The following TNRC18 variants were observed in gnomAD, a reference collection of about 807,000 sequenced individuals.
TNRC18 encodes trinucleotide repeat-containing gene 18 protein.
TNRC18 carries 69 observed loss-of-function variants against 226.7 expected under a neutral mutation model. The observed-to-expected ratio is 0.30, with a 90% CI of 0.25 to 0.37. The LOEUF (loss-of-function observed/expected upper bound fraction) is 0.37, where lower values mean the gene tolerates loss of function less well. TNRC18 is among the 10% of genes least tolerant of loss of function. The pLI is 1.00. For synonymous variants in TNRC18, 2,449 were observed against 1,927.6 expected (o/e 1.27, Z -7.09); for missense variants, 4,754 against 4,256.6 (o/e 1.12, Z -3.25).
intron 16 of TNRC18, among the ~76,000 whole-genome samples, chr7:5,354,808 G>C (rs180707858): frequency 4.8e-4 from 73 of 152,270 alleles, no homozygotes; most frequent in African/African-American, 1.4e-3. Context: ...CTCTGCCCAC[G>C]TAAGCTCACT....
In TNRC18 at chr7:5,324,949, G is replaced by A. The variant is rs1194071801; in HGVS notation, c.6300+147C>T. On this transcript the variant is annotated intron_variant, in intron 20 of 29. Transcript: ENST00000430969. The surrounding 1 kb of genome is among the most constrained non-coding windows in gnomAD (Gnocchi z 4.8). The stretch of plus-strand genomic sequence containing the variant: ...CTCCTTATCCCTGGAGTGTGGGGAC[G>A]GCCACATCACCCTCGTCACCCGCAA... The A allele has an allele frequency of 2.3e-5, 20 of 884,834 alleles. No homozygotes were observed. Among genetic ancestry groups the A allele is most frequent in the African/African-American group, 6.9e-5 (4 of 58,080 alleles). The allele number at this position is 884,834 out of a possible 1,614,324, so 54.8% of individuals were successfully genotyped here.
intron 2 of TNRC18, among the ~76,000 whole-genome samples, chr7:5,400,752 G>C (rs891091082): frequency 2.0e-5 from 3 of 152,076 alleles, no homozygotes; most frequent in Non-Finnish European, 4.4e-5. Context: ...AAAAATGCAA[G>C]CTGTAGCCTG....
chr7:5,353,551 CA>C (rs1792051687), intron 16 of TNRC18, among the ~76,000 whole-genome samples: 1 of 109,798 alleles, frequency 9.1e-6, no homozygotes, highest in African/African-American at 3.7e-5. Context: ...CAGAGCAAGA[CA>C]TCATCTAAAG....
intron 18 of TNRC18, 67 bp downstream of exon 18, chr7:5,345,495 G>A (rs1583850961): frequency 1.5e-6 from 2 of 1,376,538 alleles, no homozygotes; most frequent in South Asian, 1.4e-5. Context: ...TTCCTCACCT[G>A]TGGGATGGGG....
rs764362400 is a variant in TNRC18 at position 5,388,161 on chromosome 7, C to G, written c.1663G>C (p.Gly555Arg). The change falls in exon 5 of 30, where the codon GGG becomes CGG. Residue 555 changes from glycine to arginine, a missense_variant. Physicochemically the swap from Gly to Arg is moderately radical, Grantham distance 125. Coordinates refer to ENST00000430969, the MANE Select transcript of TNRC18 (RefSeq NM_001080495.3). ...GCCGCCGAGCGGGGCAGCACAGCCCCAGGGTCCAGGTAGGCCTTCTTGGAG... is the reference window on the plus strand; with the variant it reads ...GCCGCCGAGCGGGGCAGCACAGCCCGAGGGTCCAGGTAGGCCTTCTTGGAG... ...SSSKKAYLDP[G>R]AVLPRSAATC... is the part of the protein sequence containing the mutation. 1.9e-6 allele frequency: 3 copies of G among 1,573,544 alleles called. No individual in the cohort carries two copies. Among genetic ancestry groups the G allele is most frequent in the Non-Finnish European group, 2.6e-6 (3 of 1,161,502 alleles).
intron 19 of TNRC18, among the ~76,000 whole-genome samples, chr7:5,330,377 T>C (rs1789390037): frequency 6.6e-6 from 1 of 151,668 alleles, no homozygotes; most frequent in Admixed American, 6.6e-5. Flanking sequence ...CTATAGGCAC[T>C]GATCACCACC....
chr7:5,351,212 G>A (rs1037093156), intron 17 of TNRC18, among the ~76,000 whole-genome samples: 1 of 150,924 alleles, frequency 6.6e-6, no homozygotes, highest in Non-Finnish European at 1.5e-5. Context: ...GGAGGAGGTG[G>A]GGGAGAAACA....
intron 18 of TNRC18, among the ~76,000 whole-genome samples, chr7:5,342,488 G>C (rs1243887168): frequency 6.6e-6 from 1 of 152,044 alleles, no homozygotes; most frequent in South Asian, 2.1e-4. Context: ...ACTATGAAAG[G>C]CTCAAGACTT....
At position 5,307,155 on chromosome 7, in the gene TNRC18, T is replaced by TAGAC. The variant is rs1246084674; in HGVS notation, c.*947_*950dup. On this transcript the variant is annotated 3_prime_UTR_variant, in exon 30 of 30. Transcript: ENST00000430969. ...ACTGGGAGGCCGGTGAAGCCGGTGCTAGACACTATAATCTAACAGGAAATA... is the reference window on the plus strand; with the variant it reads ...ACTGGGAGGCCGGTGAAGCCGGTGCTAGACAGACACTATAATCTAACAGGAAATA... 6 of 151,170 alleles carry TAGAC rather than the reference T, an allele frequency of 4.0e-5. No individual in the cohort carries two copies. The highest frequency in any genetic ancestry group is 1.5e-4 in the African/African-American group (6 of 41,204). The allele number at this position is 151,170 out of a possible 1,614,324, so 9.4% of individuals were successfully genotyped here. A position where few individuals can be genotyped will look rare whatever the true frequency, so the allele number is the denominator to read the frequency against.
chr7:5,377,408 C>T lies in TNRC18; in HGVS notation c.2424G>A (p.Ser808=), dbSNP rs748431554. Residue 808 remains serine (S), a synonymous_variant, in exon 7 of 30, where the codon TCG becomes TCA. Coordinates refer to ENST00000430969, the MANE Select transcript of TNRC18 (RefSeq NM_001080495.3). The surrounding 1 kb of genome is among the most constrained non-coding windows in gnomAD (Gnocchi z 5.8). The stretch of plus-strand genomic sequence containing the variant: ...CAGCGAGCCACATGGATGCGTTGCC[C>T]GAGCGGGGCAACCAGGGGTGCGTGG... ...HLATHPWLPR[S]GNASMWLAGH... The T allele has an allele frequency of 1.4e-5, 22 of 1,595,428 alleles. 1 individual carries two copies. The highest frequency in any genetic ancestry group is 1.0e-4 in the South Asian group (9 of 88,230).
At chr7:5,349,544 C>T (rs1339040114) in intron 17 of TNRC18, among the ~76,000 whole-genome samples, 4 of 152,162 alleles carry the variant, frequency 2.6e-5, no homozygotes, top group East Asian at 3.9e-4. Context: ...CCGGTGGGGG[C>T]GAACCCCGAG....
At chr7:5,412,186 G>A (rs4557609) in intron 2 of TNRC18, among the ~76,000 whole-genome samples, 16 of 133,640 alleles carry the variant, frequency 1.2e-4, no homozygotes, top group African/African-American at 3.5e-4. Flanking sequence ...GAGACCCAGC[G>A]TCTTAATAAA....
At position 5,312,709 on chromosome 7, in the gene TNRC18, C is replaced by A; in HGVS notation, c.8182G>T (p.Ala2728Ser). ...GKKTPAPQPQ[A>S]PPPQPTQPLQ... Reference sequence around the variant, plus strand: ...GGCTGTGTGGGCTGCGGAGGAGGCGCCTGGGGCTGGGGCGCGGGCGTCTTC... The same window carrying A: ...GGCTGTGTGGGCTGCGGAGGAGGCGACTGGGGCTGGGGCGCGGGCGTCTTC... Residue 2728 changes from alanine to serine, a missense_variant, in exon 27 of 30, where the codon GCG becomes TCG. Physicochemically the swap from Ala to Ser is moderately conservative, Grantham distance 99. Coordinates refer to ENST00000430969, the MANE Select transcript of TNRC18 (RefSeq NM_001080495.3). The surrounding 1 kb of genome is among the most constrained non-coding windows in gnomAD (Gnocchi z 6.3). 6.3e-7 allele frequency: 1 copy of A among 1,584,682 alleles called. No individual in the cohort carries two copies. Among genetic ancestry groups the A allele is most frequent in the South Asian group, 1.1e-5 (1 of 88,474 alleles).
In TNRC18 at chr7:5,354,364, G is replaced by A. The variant is rs200033876; in HGVS notation, c.5195-2270C>T. ...ACCCCATCCACGTCCACCTGAAAGTGGGGAATTCTTTCAGCTACCACCCAA... is the reference window on the plus strand; with the variant it reads ...ACCCCATCCACGTCCACCTGAAAGTAGGGAATTCTTTCAGCTACCACCCAA... On this transcript the variant is annotated intron_variant, in intron 16 of 29. Transcript: ENST00000430969. Among the ~76,000 whole-genome samples, 178 of 152,084 alleles carry A rather than the reference G, an allele frequency of 1.2e-3. 2 individuals are homozygous for A. Among genetic ancestry groups the A allele is most frequent in the African/African-American group, 3.9e-3 (161 of 41,486 alleles).
chr7:5,388,462 C>A lies in TNRC18; in HGVS notation c.1362G>T (p.Pro454=). ...APTVRATRAS[P]DPRAYVPAKE... ...TGGCAGGCACGTAGGCGCGGGGGTC[C>A]GGGGAGGCGCGTGTGGCCCGCACCG... is the stretch of plus-strand genomic sequence containing the variant. Residue 454 remains proline, a synonymous_variant, in exon 5 of 30, where the codon CCG becomes CCT. Transcript: ENST00000430969. The A allele has an allele frequency of 7.0e-7, 1 of 1,434,134 alleles. No homozygotes were observed. Among genetic ancestry groups the A allele is most frequent in the East Asian group, 3.0e-5 (1 of 33,398 alleles). The allele number at this position is 1,434,134 out of a possible 1,614,324, so 88.8% of individuals were successfully genotyped here. A position where few individuals can be genotyped will look rare whatever the true frequency, so the allele number is the denominator to read the frequency against.
chr7:5,320,497 C>A, intron 23 of TNRC18, 35 bp downstream of exon 23: 1 of 1,576,250 alleles, frequency 6.3e-7, no homozygotes, highest in East Asian at 2.3e-5. Context: ...CCAGCCCACC[C>A]CGAGCCTCCC....
At chr7:5,397,985 A>C (rs7808896) in intron 2 of TNRC18, among the ~76,000 whole-genome samples, 5 of 151,838 alleles carry the variant, frequency 3.3e-5, no homozygotes, top group African/African-American at 1.2e-4. Flanking sequence ...GGGATTACCC[A>C]ATTGCACGAG....
intron 18 of TNRC18, among the ~76,000 whole-genome samples, chr7:5,335,835 GAAA>G (rs61412615): frequency 1.6e-5 from 2 of 126,814 alleles, no homozygotes; most frequent in African/African-American, 3.3e-5. Context: ...ATATTCACTG[GAAA>G]AAAAAAAAAA....
At chr7:5,408,168 G>A (rs1433889438) in intron 2 of TNRC18, among the ~76,000 whole-genome samples, 3 of 151,984 alleles carry the variant, frequency 2.0e-5, no homozygotes, top group Non-Finnish European at 4.4e-5. Context: ...GCGTGGTGGC[G>A]CGCGCCTCTA....
Sources: allele counts gnomAD v4.1 joint callset (sites outside exome capture counted in the v4.1 genomes callset), GRCh38; gene constraint gnomAD v4.1.1; non-coding constraint Gnocchi (gnomAD v3.1); transcripts MANE v1.5; gene names NCBI Gene and HGNC (gene_info 2026-07-23, HGNC 2026-07-21).